B3GNT2: variants seen among roughly 807,000 people sequenced by gnomAD.
The protein encoded by B3GNT2 is UDP-GlcNAc:betaGal beta-1,3-N-acetylglucosaminyltransferase 2.
In B3GNT2, 12 loss-of-function variants were observed where a neutral mutation model predicts 27.6. The ratio of observed to expected loss-of-function variants is 0.44; its 90% CI spans 0.28 to 0.71. The LOEUF is 0.71. Ranked by LOEUF, B3GNT2 falls within the 30% of genes least tolerant of loss-of-function variation. The pLI is 0.17. For synonymous variants in B3GNT2, 192 were observed against 189.7 expected, an observed-to-expected ratio of 1.01 and a Z score of -0.10; for missense variants, 413 against 488.5, an observed-to-expected ratio of 0.85 and a Z score of 1.46.
chr2:62,217,412 G>A (rs1192055675), intron 1 of B3GNT2, among the ~76,000 whole-genome samples: 1 of 152,204 alleles, frequency 6.6e-6, no homozygotes. Context: ...GAAATAAGCA[G>A]TGGGAATTTA....
chr2:62,212,760 T>A (rs758878312), intron 1 of B3GNT2, among the ~76,000 whole-genome samples: 3 of 152,160 alleles, frequency 2.0e-5, no homozygotes, highest in South Asian at 2.1e-4. Context: ...CAGGGCATCC[T>A]TTAGATTGTT....
intron 1 of B3GNT2, among the ~76,000 whole-genome samples, chr2:62,205,091 T>C (rs911365240): frequency 3.3e-5 from 5 of 152,226 alleles, no homozygotes; most frequent in African/African-American, 1.2e-4. Context: ...TGGAAGCCCG[T>C]GGCACTGGGA....
rs533510048 is a variant in B3GNT2 at position 62,220,916 on chromosome 2, T to C, written c.-9-1296T>C. ...TCATTACTCATTCTTTATTCTTCCA[T>C]TGCCCACAGCCTGAAATCTTTTGAT... On this transcript the variant is annotated intron_variant, in intron 1 of 1. Coordinates refer to ENST00000301998, the MANE Select transcript of B3GNT2 (RefSeq NM_006577.6). Among the ~76,000 whole-genome samples the C allele has an allele frequency of 5.3e-4, 81 of 152,356 alleles. 1 individual carries two copies. Among genetic ancestry groups the C allele is most frequent in the African/African-American group, 1.8e-3 (74 of 41,594 alleles).
At chr2:62,199,600 G>A (rs1158408261) in intron 1 of B3GNT2, among the ~76,000 whole-genome samples, 3 of 152,224 alleles carry the variant, frequency 2.0e-5, no homozygotes, top group African/African-American at 7.2e-5. Flanking sequence ...GGTCTCTTAT[G>A]TAAGTGCCCA....
intron 1 of B3GNT2, among the ~76,000 whole-genome samples, chr2:62,199,898 G>A (rs1485209261): frequency 1.3e-5 from 2 of 152,212 alleles, no homozygotes; most frequent in Non-Finnish European, 2.9e-5. Context: ...TATGTGTGGG[G>A]TAAGGTTTTG....
rs1674733391 is a variant in B3GNT2, at chr2:62,222,513, C to T, written c.293C>T (p.Pro98Leu). The stretch of plus-strand genomic sequence containing the variant: ...ATAAGCCATCTGAACTACTGCGAAC[C>T]TGACCTGAGGGTCACGTCGGTGGTT... ...SNISHLNYCE[P>L]DLRVTSVVTG... The change falls in exon 2 of 2, where the codon CCT becomes CTT. Residue 98 changes from proline (P) to leucine (L), a missense_variant. By Grantham distance (98) the Pro-to-Leu change is moderately conservative. Coordinates refer to ENST00000301998, the MANE Select transcript of B3GNT2 (RefSeq NM_006577.6). The surrounding 1 kb of genome is among the most constrained non-coding windows in gnomAD (Gnocchi z 4.2). 6.2e-7 allele frequency: 1 copy of T among 1,614,196 alleles called. No individual in the cohort carries two copies. The highest frequency in any genetic ancestry group is 2.2e-5 in the East Asian group (1 of 44,886).
chr2:62,207,672 C>G (rs907202350), intron 1 of B3GNT2, among the ~76,000 whole-genome samples: 10 of 152,170 alleles, frequency 6.6e-5, no homozygotes, highest in Non-Finnish European at 1.3e-4. Flanking sequence ...TAGATCCTTG[C>G]ATGCGCAGTT....
chr2:62,222,256 T>C lies in B3GNT2; in HGVS notation c.36T>C (p.Gly12=). The change falls in exon 2 of 2, where the codon GGT becomes GGC. Residue 12 remains glycine (G), a synonymous_variant. Transcript: ENST00000301998. The surrounding 1 kb of genome is among the most constrained non-coding windows in gnomAD (Gnocchi z 4.2). The part of the protein sequence containing the change: ...SVGRRRIKLL[G]ILMMANVFIY... ...GACGTCGAAGAATAAAGTTGTTGGGTATCCTGATGATGGCAAATGTCTTCA... is the reference window on the plus strand; with the variant it reads ...GACGTCGAAGAATAAAGTTGTTGGGCATCCTGATGATGGCAAATGTCTTCA... The C allele has an allele frequency of 6.2e-7, 1 of 1,611,298 alleles. No homozygotes were observed.
At position 62,222,780 on chromosome 2, in the gene B3GNT2, C is replaced by T; in HGVS notation, c.560C>T (p.Pro187Leu). The change falls in exon 2 of 2, where the codon CCA becomes CTA. Residue 187 changes from proline (P) to leucine (L), a missense_variant. Pro to Leu is a moderately conservative substitution (Grantham distance 98). Coordinates refer to ENST00000301998, the MANE Select transcript of B3GNT2 (RefSeq NM_006577.6). This position sits in a 1 kb window ranked among gnomAD's most constrained non-coding sequence, Gnocchi z 4.2. ...VRVFLLGQTP[P>L]EDNHPDLSDM... is the part of the protein sequence containing the mutation. ...GTCTTCCTGCTGGGCCAGACACCCCCAGAGGACAACCACCCCGACCTTTCA... is the reference window on the plus strand; with the variant it reads ...GTCTTCCTGCTGGGCCAGACACCCCTAGAGGACAACCACCCCGACCTTTCA... 3 of 1,614,212 alleles carry T rather than the reference C, an allele frequency of 1.9e-6. No individual in the cohort carries two copies. The highest frequency in any genetic ancestry group is 2.5e-6 in the Non-Finnish European group (3 of 1,180,048).
At chr2:62,211,721 C>T (rs1183472490) in intron 1 of B3GNT2, among the ~76,000 whole-genome samples, 1 of 152,200 alleles carries the variant, frequency 6.6e-6, no homozygotes, top group Non-Finnish European at 1.5e-5. Context: ...CCTCCCTGCC[C>T]TTCTAGTGTG....
intron 1 of B3GNT2, among the ~76,000 whole-genome samples, chr2:62,198,541 G>A (rs1473511201): frequency 1.3e-5 from 2 of 152,208 alleles, no homozygotes; most frequent in Non-Finnish European, 2.9e-5. Flanking sequence ...TTTGGCAGAT[G>A]CACATCAGAA....
intron 1 of B3GNT2, among the ~76,000 whole-genome samples, chr2:62,209,026 G>T (rs1674431840): frequency 6.6e-6 from 1 of 152,088 alleles, no homozygotes; most frequent in Non-Finnish European, 1.5e-5. Context: ...TCTCACTCTT[G>T]CCCAGGCTGG....
chr2:62,210,194 T>G (rs1046900365), intron 1 of B3GNT2, among the ~76,000 whole-genome samples: 3 of 152,232 alleles, frequency 2.0e-5, no homozygotes, highest in African/African-American at 7.2e-5. Flanking sequence ...TTGGGGATTC[T>G]CAATCCTCCT....
At chr2:62,209,384 G>T (rs182815471) in intron 1 of B3GNT2, among the ~76,000 whole-genome samples, 223 of 152,230 alleles carry the variant, frequency 1.5e-3, no homozygotes, top group Non-Finnish European at 2.8e-3. Flanking sequence ...TGGATGGTCT[G>T]TAAGGCCCTG....
intron 1 of B3GNT2, among the ~76,000 whole-genome samples, chr2:62,201,805 C>A (rs1269640302): frequency 1.3e-5 from 2 of 152,224 alleles, no homozygotes; most frequent in African/African-American, 2.4e-5. Context: ...CTTTTGTACA[C>A]TTCTAGAATG....
chr2:62,211,176 C>A (rs1316516478), intron 1 of B3GNT2, among the ~76,000 whole-genome samples: 1 of 152,056 alleles, frequency 6.6e-6, no homozygotes, highest in African/African-American at 2.4e-5. Context: ...GGCGACATGG[C>A]AAAACCCTGT....
chr2:62,206,538 G>C (rs1674377936), intron 1 of B3GNT2, among the ~76,000 whole-genome samples: 1 of 152,040 alleles, frequency 6.6e-6, no homozygotes, highest in Admixed American at 6.6e-5. Flanking sequence ...CAAAGTGTTA[G>C]ACCATGCACT....
In B3GNT2 at chr2:62,223,068, G is replaced by A. The variant is rs201151150; in HGVS notation, c.848G>A (p.Arg283Gln). ...GDVIHNAGPH[R>Q]DKKLKYYIPE... ...GTGATCCACAATGCTGGACCTCATC[G>A]GGATAAGAAGCTGAAGTACTACATC... is the stretch of plus-strand genomic sequence containing the variant. Residue 283 changes from arginine to glutamine, a missense_variant, in exon 2 of 2, where the codon CGG becomes CAG. Coordinates refer to ENST00000301998, the MANE Select transcript of B3GNT2 (RefSeq NM_006577.6). 2.5e-6 allele frequency: 4 copies of A among 1,614,188 alleles called. No individual in the cohort carries two copies. The highest frequency in any genetic ancestry group is 2.5e-6 in the Non-Finnish European group (3 of 1,180,052).
chr2:62,207,841 G>T (rs1674405918), intron 1 of B3GNT2, among the ~76,000 whole-genome samples: 1 of 152,130 alleles, frequency 6.6e-6, no homozygotes, highest in East Asian at 1.9e-4. Context: ...TCCATGGCCT[G>T]GGGTTTGGGG....
Sources: gnomAD v4.1 joint callset for allele counts (sites outside exome capture counted in the v4.1 genomes callset) on GRCh38, gnomAD v4.1.1 for gene constraint, Gnocchi (gnomAD v3.1) non-coding constraint, MANE v1.5 for transcripts, NCBI Gene and HGNC (gene_info 2026-07-23, HGNC 2026-07-21) for gene names.